SPRED1: variants seen among roughly 807,000 people sequenced by gnomAD.
SPRED1 encodes the protein sprouty related EVH1 domain containing 1, also known as sprouty-related, EVH1 domain-containing protein 1.
In SPRED1, 18 loss-of-function variants were observed where a neutral mutation model predicts 52.3. The ratio of observed to expected loss-of-function variants is 0.34; its 90% CI spans 0.24 to 0.51. The LOEUF (loss-of-function observed/expected upper bound fraction) is 0.51, where lower values mean the gene tolerates loss of function less well. Ranked by LOEUF, SPRED1 falls within the 20% of genes least tolerant of loss-of-function variation. The probability of loss-of-function intolerance (pLI) is 0.97; values close to 1 mark genes in which losing one functional copy is unlikely to be tolerated. For missense variants in SPRED1, 485 were observed against 551.0 expected (o/e 0.88, Z 1.20); for synonymous variants, 155 against 179.7 (o/e 0.86, Z 1.10).
intron 1 of SPRED1, among the ~76,000 whole-genome samples, chr15:38,261,317 G>T (rs1221761036): frequency 6.6e-6 from 1 of 152,142 alleles, no homozygotes; most frequent in Non-Finnish European, 1.5e-5. Flanking sequence ...AATCATAACT[G>T]ATTTTTTTGT....
chr15:38,255,459 G>A (rs1046554247), intron 1 of SPRED1, among the ~76,000 whole-genome samples: 1 of 151,800 alleles, frequency 6.6e-6, no homozygotes, highest in Non-Finnish European at 1.5e-5. Context: ...ATAATATTTT[G>A]GTAAACTCTT....
chr15:38,264,736 A>AG (rs1491403210), intron 1 of SPRED1, among the ~76,000 whole-genome samples: 1 of 152,136 alleles, frequency 6.6e-6, no homozygotes, highest in East Asian at 1.9e-4. Flanking sequence ...CAAGAGAGAC[A>AG]GGGGTAAGGA....
intron 4 of SPRED1, among the ~76,000 whole-genome samples, chr15:38,336,542 A>G (rs1293979366): frequency 6.7e-6 from 1 of 149,988 alleles, no homozygotes; most frequent in East Asian, 1.9e-4. Flanking sequence ...GAAGTTTTCT[A>G]CTCTTCCCAA....
intron 1 of SPRED1, among the ~76,000 whole-genome samples, chr15:38,265,219 C>G (rs1042728702): frequency 1.3e-5 from 2 of 152,106 alleles, no homozygotes; most frequent in Admixed American, 6.5e-5. Context: ...TGCCTTTTAT[C>G]TATAAAACCA....
At chr15:38,280,795 A>G (rs17570382) in intron 1 of SPRED1, among the ~76,000 whole-genome samples, 8,391 of 152,340 alleles carry the variant, frequency 0.055, 341 homozygotes, top group Non-Finnish European at 0.084. Context: ...TGTGAACTCT[A>G]TAGATCTTCA....
intron 1 of SPRED1, among the ~76,000 whole-genome samples, chr15:38,284,856 A>ATT (rs75465161): frequency 4.1e-5 from 6 of 147,586 alleles, no homozygotes; most frequent in Admixed American, 1.3e-4. Flanking sequence ...TTCATCTGGG[A>ATT]TTTTTTTTTT....
rs2141019695 is a variant in SPRED1, at chr15:38,355,741, TC to T, written c.*4078del. 6.6e-6 allele frequency: 1 copy of T among 152,328 alleles called. No homozygotes were observed. The highest frequency in any genetic ancestry group is 2.4e-5 in the African/African-American group (1 of 41,568). 9.4% of individuals were successfully genotyped at this position (152,328 alleles called of 1,614,324 possible). On this transcript the variant is annotated 3_prime_UTR_variant, in exon 7 of 7. Coordinates refer to ENST00000299084, the MANE Select transcript of SPRED1 (RefSeq NM_152594.3). ...ATTCTTTACTAATTATTATGCTCAT[TC>T]TTGATTTGACTTCCATGTTCACACT...
intron 2 of SPRED1, among the ~76,000 whole-genome samples, chr15:38,316,748 G>GGTTTTTTCT: frequency 2.4e-5 from 1 of 41,908 alleles, no homozygotes; most frequent in Non-Finnish European, 4.4e-5. Flanking sequence ...TCCATTATAT[G>GGTTTTTTCT]TTTTTTTTTT....
chr15:38,337,816 CTTA>C (rs1192003887), intron 4 of SPRED1, among the ~76,000 whole-genome samples: 1 of 151,666 alleles, frequency 6.6e-6, no homozygotes, highest in African/African-American at 2.4e-5. Context: ...AAAGCAATAT[CTTA>C]TAATTACCAC....
chr15:38,317,572 A>G (rs1345572455), intron 2 of SPRED1, among the ~76,000 whole-genome samples: 1 of 152,030 alleles, frequency 6.6e-6, no homozygotes, highest in Non-Finnish European at 1.5e-5. Context: ...TGTTACTAAT[A>G]TTACTATTAT....
At chr15:38,274,726 T>C (rs1894511823) in intron 1 of SPRED1, among the ~76,000 whole-genome samples, 1 of 152,238 alleles carries the variant, frequency 6.6e-6, no homozygotes, top group Non-Finnish European at 1.5e-5. Context: ...GTCATGTCTC[T>C]TTAGTCTCCT....
intron 2 of SPRED1, among the ~76,000 whole-genome samples, chr15:38,305,889 G>A (rs968760852): frequency 1.3e-5 from 2 of 152,048 alleles, no homozygotes; most frequent in African/African-American, 4.8e-5. Flanking sequence ...AATTATCAGT[G>A]ATCCCTCCAT....
At chr15:38,276,678 C>T (rs1048431938) in intron 1 of SPRED1, among the ~76,000 whole-genome samples, 7 of 152,106 alleles carry the variant, frequency 4.6e-5, no homozygotes, top group Non-Finnish European at 8.8e-5. Context: ...AAATACTCTT[C>T]CTATTGTGGA....
intron 4 of SPRED1, among the ~76,000 whole-genome samples, chr15:38,334,528 T>C (rs944454610): frequency 1.3e-5 from 2 of 152,082 alleles, no homozygotes; most frequent in Admixed American, 6.6e-5. Flanking sequence ...ACTATATTGA[T>C]AGTTTCTGGT....
chr15:38,255,988 G>A (rs1346076316), intron 1 of SPRED1, among the ~76,000 whole-genome samples: 1 of 78,832 alleles, frequency 1.3e-5, no homozygotes, highest in Non-Finnish European at 3.1e-5. Context: ...TGAAATCCTC[G>A]AGTACATGCT....
Position 38,355,498 on chromosome 15 carries a change from G to A in SPRED1, c.*3834G>A, listed in dbSNP as rs981034118. On this transcript the variant is annotated 3_prime_UTR_variant, in exon 7 of 7. Transcript: ENST00000299084. ...CACGGAAATGTTTCTTAATATGCAC[G>A]TGAGTCTCCAGAGTACAGGAAATGT... 2.0e-5 allele frequency: 3 copies of A among 152,060 alleles called. No homozygotes were observed. Among genetic ancestry groups the A allele is most frequent in the Non-Finnish European group, 2.9e-5 (2 of 68,042 alleles). 9.4% of individuals were successfully genotyped at this position (152,060 alleles called of 1,614,324 possible).
chr15:38,324,888 A>G (rs1465793135), intron 4 of SPRED1, 79 bp downstream of exon 4: 12 of 1,133,758 alleles, frequency 1.1e-5, no homozygotes, highest in Non-Finnish European at 1.4e-5. Flanking sequence ...AAACTTATCA[A>G]TTACTAAGAA....
At chr15:38,324,304 G>A (rs1236958520) in intron 3 of SPRED1, among the ~76,000 whole-genome samples, 1 of 152,172 alleles carries the variant, frequency 6.6e-6, no homozygotes, top group Non-Finnish European at 1.5e-5. Flanking sequence ...GCCATTAACT[G>A]TCAATAGTGG....
Position 38,253,171 on chromosome 15 carries a change from C to T in SPRED1, c.-15C>T. 6.3e-7 allele frequency: 1 copy of T among 1,576,838 alleles called. No individual in the cohort carries two copies. The highest frequency in any genetic ancestry group is 8.6e-7 in the Non-Finnish European group (1 of 1,160,272). On this transcript the variant is annotated 5_prime_UTR_variant, in exon 1 of 7. Transcript: ENST00000299084. ...TTGCTCCTCCATCTCCAGATCGGAT[C>T]ACGGTGAGGGAAAGATGAGCGAGGA...
Sources: allele counts gnomAD v4.1 joint callset (sites outside exome capture counted in the v4.1 genomes callset), GRCh38; gene constraint gnomAD v4.1.1; transcripts MANE v1.5; gene names NCBI Gene and HGNC (gene_info 2026-07-23, HGNC 2026-07-21).